The following NINL variants were observed in gnomAD, a reference collection of about 807,000 sequenced individuals.
The protein encoded by NINL is ninein like, also known as ninein-like protein.
NINL carries 153 observed loss-of-function variants against 160.3 expected under a neutral mutation model. That is an observed-to-expected ratio of 0.95 (90% CI 0.84 to 1.09). NINL has a LOEUF of 1.09. Among genes scored for constraint, NINL ranks in the 50% least tolerant of loss-of-function variants. The probability of loss-of-function intolerance (pLI) is 0.00; values close to 1 mark genes in which losing one functional copy is unlikely to be tolerated. For synonymous variants in NINL, 800 were observed against 734.8 expected, an observed-to-expected ratio of 1.09 and a Z score of -1.43; for missense variants, 1,829 against 1,764.0, an observed-to-expected ratio of 1.04 and a Z score of -0.66.
chr20:25,572,217 T>A (rs1273900068), intron 1 of NINL, among the ~76,000 whole-genome samples: 1 of 149,244 alleles, frequency 6.7e-6, no homozygotes, highest in African/African-American at 2.5e-5. Context: ...TCTGAGTAGT[T>A]TTTTTTTTTT....
chr20:25,526,216 A>C (rs1457028211), intron 2 of NINL, among the ~76,000 whole-genome samples, 192 bp downstream of exon 2: 1 of 152,236 alleles, frequency 6.6e-6, no homozygotes, highest in Non-Finnish European at 1.5e-5. Flanking sequence ...CCACATTAAA[A>C]ACAAGTAATC....
intron 1 of NINL, among the ~76,000 whole-genome samples, chr20:25,542,802 G>A (rs773772513): frequency 1.3e-3 from 177 of 138,820 alleles, no homozygotes; most frequent in Non-Finnish European, 1.9e-3. Flanking sequence ...AGGCTGAGGC[G>A]GGCGGATCAT....
intron 21 of NINL, 146 bp downstream of exon 21, chr20:25,461,376 T>C (rs1052713174): frequency 1.4e-5 from 8 of 567,706 alleles, no homozygotes; most frequent in Admixed American, 6.8e-5. Flanking sequence ...GCTTCGGTCC[T>C]GGCCCGGTAA....
At chr20:25,551,293 T>G (rs2064804921) in intron 1 of NINL, among the ~76,000 whole-genome samples, 1 of 151,936 alleles carries the variant, frequency 6.6e-6, no homozygotes, top group East Asian at 1.9e-4. Context: ...ATTTTCTACA[T>G]AGACACAGTA....
Position 25,453,412 on chromosome 20 carries a change from A to C in NINL, c.*39T>G. On this transcript the variant is annotated 3_prime_UTR_variant, in exon 24 of 24. Transcript: ENST00000278886. ...AGGCAGCACAGTGGCTTAATTTAAA[A>C]GATGTGCTTTCGAATGAATCCTAGA... The C allele has an allele frequency of 6.5e-7, 1 of 1,542,118 alleles. No individual in the cohort carries two copies. The highest frequency in any genetic ancestry group is 8.8e-7 in the Non-Finnish European group (1 of 1,136,082).
intron 1 of NINL, among the ~76,000 whole-genome samples, chr20:25,573,677 T>C (rs1037345678): frequency 6.6e-5 from 10 of 152,238 alleles, no homozygotes; most frequent in African/African-American, 2.2e-4. Flanking sequence ...AATTACCATA[T>C]TTTGCTATTG....
intron 3 of NINL, among the ~76,000 whole-genome samples, chr20:25,517,268 C>A (rs963951759): frequency 3.3e-5 from 5 of 152,104 alleles, no homozygotes; most frequent in Non-Finnish European, 7.4e-5. Flanking sequence ...GGGAAAGAGC[C>A]ACCCCCATTT....
intron 12 of NINL, among the ~76,000 whole-genome samples, 156 bp from the exon 13 acceptor site, chr20:25,489,480 C>T (rs571244071): frequency 2.0e-5 from 3 of 152,132 alleles, no homozygotes; most frequent in East Asian, 1.9e-4. Flanking sequence ...TCTCCTTACT[C>T]CCCCGTCTAG....
chr20:25,472,607 G>A (rs536170850), intron 17 of NINL, among the ~76,000 whole-genome samples: 1 of 147,674 alleles, frequency 6.8e-6, no homozygotes, highest in South Asian at 2.1e-4. Flanking sequence ...TCAGCTCACT[G>A]CAGCCTCAAC....
At chr20:25,493,677 C>G (rs2063687688) in intron 10 of NINL, among the ~76,000 whole-genome samples, 1 of 152,122 alleles carries the variant, frequency 6.6e-6, no homozygotes, top group African/African-American at 2.4e-5. Context: ...TAGGAATTCC[C>G]CAGCCAGGTG....
chr20:25,537,576 T>C (rs928888131), intron 1 of NINL, among the ~76,000 whole-genome samples: 1 of 152,164 alleles, frequency 6.6e-6, no homozygotes, highest in Non-Finnish European at 1.5e-5. Context: ...CAGAATACCA[T>C]AGTAAACACT....
intron 2 of NINL, among the ~76,000 whole-genome samples, chr20:25,518,493 C>A (rs567630663): frequency 6.6e-6 from 1 of 152,108 alleles, no homozygotes; most frequent in African/African-American, 2.4e-5. Context: ...CAAGAAACTA[C>A]CCCAGCTTTC....
At chr20:25,576,031 A>G (rs1053934202) in intron 1 of NINL, among the ~76,000 whole-genome samples, 2 of 152,182 alleles carry the variant, frequency 1.3e-5, no homozygotes, top group African/African-American at 4.8e-5. Flanking sequence ...AGTACAACAA[A>G]CTAGGGAAAT....
intron 10 of NINL, among the ~76,000 whole-genome samples, chr20:25,492,940 A>G (rs1386255958): frequency 6.6e-6 from 1 of 152,188 alleles, no homozygotes; most frequent in Non-Finnish European, 1.5e-5. Flanking sequence ...TGCAATAATA[A>G]AAGCTACTTA....
intron 13 of NINL, among the ~76,000 whole-genome samples, chr20:25,487,588 G>A (rs900426942): frequency 6.6e-6 from 1 of 152,138 alleles, no homozygotes; most frequent in African/African-American, 2.4e-5. Context: ...GTCAAGGACT[G>A]GGGTTTTTGA....
chr20:25,506,886 T>A (rs1186647576), intron 5 of NINL, among the ~76,000 whole-genome samples: 1 of 152,170 alleles, frequency 6.6e-6, no homozygotes, highest in African/African-American at 2.4e-5. Flanking sequence ...TTGATTCATA[T>A]CTCTAGAAAA....
chr20:25,526,912 T>A (rs2064371359), intron 1 of NINL, among the ~76,000 whole-genome samples: 1 of 152,140 alleles, frequency 6.6e-6, no homozygotes, highest in Admixed American at 6.6e-5. Flanking sequence ...ACGCTTGTAA[T>A]CCCAACACTT....
At chr20:25,526,368 C>A (rs1298986268) in intron 2 of NINL, 40 bp downstream of exon 2, 3 of 1,563,434 alleles carry the variant, frequency 1.9e-6, no homozygotes, top group East Asian at 4.5e-5. Flanking sequence ...CAACTATAGA[C>A]CCCGTGCTTT....
rs140549101 is a variant in NINL at position 25,516,751 on chromosome 20, A to G, written c.277+1002T>C. Reference sequence around the variant, plus strand: ...TAGTGGGGGGCTGACTCTGAACCCAAGGCTTCTCCTCCCATCCCAGGGCTC... The same window carrying G: ...TAGTGGGGGGCTGACTCTGAACCCAGGGCTTCTCCTCCCATCCCAGGGCTC... On this transcript the variant is annotated intron_variant, in intron 3 of 23. Coordinates refer to ENST00000278886, the MANE Select transcript of NINL (RefSeq NM_025176.6). Among the ~76,000 whole-genome samples, 285 of 152,250 alleles carry G rather than the reference A, an allele frequency of 1.9e-3. 1 individual carries two copies. The highest frequency in any genetic ancestry group is 3.1e-3 in the South Asian group (15 of 4,810).
Sources: allele counts gnomAD v4.1 joint callset (sites outside exome capture counted in the v4.1 genomes callset), GRCh38; gene constraint gnomAD v4.1.1; transcripts MANE v1.5; gene names NCBI Gene and HGNC (gene_info 2026-07-23, HGNC 2026-07-21).